Variants in NOD2 observed in about 807,000 individuals in gnomAD.
NOD2 encodes the protein nucleotide-binding oligomerization domain-containing protein 2.
Under a neutral mutation model 90.9 loss-of-function variants are expected in NOD2, and 86 were observed. The ratio of observed to expected loss-of-function variants is 0.95; its 90% CI spans 0.79 to 1.13. The LOEUF (loss-of-function observed/expected upper bound fraction) is 1.13, where lower values mean the gene tolerates loss of function less well. Among genes scored for constraint, NOD2 ranks in the 50% most tolerant of loss-of-function variants. The pLI is 0.00. For missense variants in NOD2, 1,238 were observed against 1,283.8 expected (o/e 0.96, Z 0.55); for synonymous variants, 581 against 554.6 (o/e 1.05, Z -0.67).
At position 50,699,488 on chromosome 16, in the gene NOD2, G is replaced by A. The variant is rs567793250; in HGVS notation, c.-8G>A. ...GCACTGACCTTGTTCTCCTCCCCAGGTTGTGAAATGTGCTCGCAGGAGGCT... is the reference window on the plus strand; with the variant it reads ...GCACTGACCTTGTTCTCCTCCCCAGATTGTGAAATGTGCTCGCAGGAGGCT... On this transcript the variant is annotated splice_region_variant and 5_prime_UTR_variant, in exon 2 of 12. Transcript: ENST00000647318. 1 of 1,612,916 alleles carries A rather than the reference G, an allele frequency of 6.2e-7. No individual in the cohort carries two copies. The highest frequency in any genetic ancestry group is 1.3e-5 in the African/African-American group (1 of 75,010).
intron 6 of NOD2, 42 bp downstream of exon 6, chr16:50,717,016 C>T (rs761146612): frequency 8.9e-6 from 14 of 1,581,204 alleles, no homozygotes; most frequent in African/African-American, 1.3e-5. Context: ...CTATTTTTTG[C>T]CCCATTCCTG....
intron 10 of NOD2, chr16:50,727,893 C>CT (rs369575405): frequency 0.018 from 4,664 of 260,722 alleles, no homozygotes; most frequent in South Asian, 0.031. Context: ...TGACCATGAC[C>CT]TTTTTTTTTT....
chr16:50,704,917 A>G (rs372587376), intron 2 of NOD2, among the ~76,000 whole-genome samples: 1 of 152,224 alleles, frequency 6.6e-6, no homozygotes, highest in African/African-American at 2.4e-5. Context: ...TTCTTCCATT[A>G]TGTTAGTCAC....
intron 1 of NOD2, among the ~76,000 whole-genome samples, chr16:50,695,837 G>A (rs1022908872): frequency 3.9e-5 from 6 of 152,110 alleles, no homozygotes; most frequent in African/African-American, 1.4e-4. Context: ...CAGTTTCACT[G>A]GAGCTGGATG....
chr16:50,697,216 G>A (rs1368349895), intron 1 of NOD2: 1 of 1,547,744 alleles, frequency 6.5e-7, no homozygotes, highest in African/African-American at 1.4e-5. Flanking sequence ...CAGATGCCAT[G>A]CCTGCTCCCC....
chr16:50,695,815 G>A (rs962564540), intron 1 of NOD2, among the ~76,000 whole-genome samples: 10 of 152,132 alleles, frequency 6.6e-5, no homozygotes, highest in Admixed American at 1.3e-4. Context: ...AGCAATGGGA[G>A]GTCACTGGTG....
intron 3 of NOD2, among the ~76,000 whole-genome samples, chr16:50,708,425 G>T (rs1180140803): frequency 4.6e-5 from 7 of 152,146 alleles, no homozygotes. Context: ...AACAGGAGGG[G>T]CTTGGACCGC....
In NOD2 at chr16:50,714,884, GAGAA is replaced by G. The variant is rs574662050; in HGVS notation, c.2382-1699_2382-1696del. On this transcript the variant is annotated intron_variant, in intron 4 of 11. Transcript: ENST00000647318. ...TTTTTGAATGTTACCCACAATGATTGAGAAAGAGAGAGAGAGAGCACGCACCACC... is the reference window on the plus strand; with the variant it reads ...TTTTTGAATGTTACCCACAATGATTGAGAGAGAGAGAGAGCACGCACCACC... Among the ~76,000 whole-genome samples, 14 of 152,240 alleles carry G rather than the reference GAGAA, an allele frequency of 9.2e-5. No individual in the cohort carries two copies. The East Asian group carries it at 2.1e-3, about 23-fold the overall frequency.
chr16:50,709,944 A>G (rs1270868454), intron 3 of NOD2: 1 of 455,982 alleles, frequency 2.2e-6, no homozygotes, highest in Admixed American at 2.3e-5. Flanking sequence ...ATTTTTACAG[A>G]TGAGAGAACT....
chr16:50,707,147 C>A (rs1332205456), intron 2 of NOD2, among the ~76,000 whole-genome samples: 1 of 152,164 alleles, frequency 6.6e-6, no homozygotes, highest in Admixed American at 6.5e-5. Flanking sequence ...ATTCCACATG[C>A]GGCTTGCATT....
Position 50,711,747 on chromosome 16 carries a change from G to A in NOD2, c.1755G>A (p.Ala585=), listed in dbSNP as rs756626309. The A allele has an allele frequency of 1.2e-5, 19 of 1,614,058 alleles. No individual in the cohort carries two copies. Among genetic ancestry groups the A allele is most frequent in the East Asian group, 4.5e-5 (2 of 44,900 alleles). ...LHITFQCFFA[A]FYLALSADVP... ...TCACTTTCCAGTGCTTCTTTGCCGC[G>A]TTCTACCTGGCACTCAGTGCTGATG... Residue 585 remains alanine (A), a synonymous_variant, in exon 4 of 12, where the codon GCG becomes GCA. Coordinates refer to ENST00000647318, the MANE Select transcript of NOD2 (RefSeq NM_001370466.1).
At chr16:50,727,686 A>C (rs1266294650) in intron 10 of NOD2, 2 of 369,400 alleles carry the variant, frequency 5.4e-6, no homozygotes, top group Non-Finnish European at 1.1e-5. Flanking sequence ...AATTCATTCA[A>C]CTTTTGAAGC....
intron 6 of NOD2, chr16:50,719,640 G>A (rs993585726): frequency 2.0e-5 from 11 of 560,098 alleles, no homozygotes; most frequent in African/African-American, 5.6e-5. Context: ...TCGCTGTCCC[G>A]GGGAAACCAC....
At chr16:50,729,116 T>A (rs879637585) in intron 10 of NOD2, 2 of 152,954 alleles carry the variant, frequency 1.3e-5, no homozygotes, top group Non-Finnish European at 2.9e-5. Context: ...GAAACTCCCC[T>A]TTTTAAAACC....
intron 10 of NOD2, chr16:50,727,765 C>A: frequency 2.9e-6 from 1 of 342,684 alleles, no homozygotes; most frequent in African/African-American, 2.1e-5. Flanking sequence ...CGAATGCCGG[C>A]TGCAGGTGTT....
chr16:50,717,453 A>C (rs1964850801), intron 6 of NOD2, among the ~76,000 whole-genome samples: 1 of 152,172 alleles, frequency 6.6e-6, no homozygotes, highest in Admixed American at 6.5e-5. Context: ...CAGTTTCAAC[A>C]GGAGTCTCTC....
intron 2 of NOD2, 132 bp downstream of exon 2, chr16:50,700,086 G>A: frequency 3.7e-6 from 3 of 817,038 alleles, no homozygotes; most frequent in Admixed American, 4.3e-5. Flanking sequence ...AGGTAGCCAG[G>A]CAGGTAAAAT....
intron 9 of NOD2, 113 bp downstream of exon 9, chr16:50,723,497 T>G: frequency 1.1e-6 from 1 of 883,912 alleles, no homozygotes; most frequent in Non-Finnish European, 1.9e-6. Context: ...GATTGAGTGA[T>G]TGACTGATTG....
At chr16:50,723,139 G>A (rs200635188) in intron 8 of NOD2, among the ~76,000 whole-genome samples, 162 bp from the exon 9 acceptor site, 124 of 107,702 alleles carry the variant, frequency 1.2e-3, no homozygotes, top group Non-Finnish European at 1.3e-3. Flanking sequence ...AAAAAGGGTA[G>A]AAAAAAAAAA....
Sources: gnomAD v4.1 joint callset for allele counts (sites outside exome capture counted in the v4.1 genomes callset) on GRCh38, gnomAD v4.1.1 for gene constraint, MANE v1.5 for transcripts, NCBI Gene and HGNC (gene_info 2026-07-23, HGNC 2026-07-21) for gene names.